MYO9A: variants seen among roughly 807,000 people sequenced by gnomAD.
MYO9A encodes the protein myosin IXA, also known as unconventional myosin-IXa.
A neutral mutation model predicts 293.3 loss-of-function variants in MYO9A; 103 were observed. The ratio of observed to expected loss-of-function variants is 0.35; its 90% CI spans 0.30 to 0.41. The LOEUF (loss-of-function observed/expected upper bound fraction) is 0.41. Ranked by LOEUF, MYO9A falls within the 10% of genes least tolerant of loss-of-function variation. The probability of loss-of-function intolerance (pLI) is 1.00; values close to 1 mark genes in which losing one functional copy is unlikely to be tolerated. For missense variants in MYO9A, 2,685 were observed against 3,033.0 expected (o/e 0.89, Z 2.69); for synonymous variants, 1,001 against 1,035.7 (o/e 0.97, Z 0.64).
In MYO9A at chr15:71,898,354, T is replaced by C. The variant is rs750164438; in HGVS notation, c.4149A>G (p.Ala1383=). 14 of 1,613,722 alleles carry C rather than the reference T, an allele frequency of 8.7e-6. No individual in the cohort carries two copies. Among genetic ancestry groups the C allele is most frequent in the African/African-American group, 1.3e-5 (1 of 75,070 alleles). ...TCATAGTTCCATCCTTCAAATGCTC[T>C]GCACTGCTAGTCTCATTTGAGGCAC... ...ALSASNETSS[A]EHLKDGTMKE... is the part of the protein sequence containing the mutation. Residue 1383 remains alanine (A), a synonymous_variant, in exon 25 of 42, where the codon GCA becomes GCG. Coordinates refer to ENST00000356056, the MANE Select transcript of MYO9A (RefSeq NM_006901.4).
chr15:71,941,399 C>T (rs984688010), intron 15 of MYO9A, among the ~76,000 whole-genome samples: 5 of 152,200 alleles, frequency 3.3e-5, no homozygotes, highest in Admixed American at 3.3e-4. Flanking sequence ...CGCGCCATTG[C>T]ACTCCAGCCT....
At chr15:72,100,955 T>C (rs1217431876) in intron 1 of MYO9A, among the ~76,000 whole-genome samples, 4 of 98,774 alleles carry the variant, frequency 4.0e-5, no homozygotes, top group Non-Finnish European at 4.1e-5. Context: ...AGCCGCCGCG[T>C]CCCGGAGGGA....
intron 18 of MYO9A, among the ~76,000 whole-genome samples, chr15:71,928,724 A>G (rs1389160396): frequency 6.6e-6 from 1 of 151,956 alleles, no homozygotes; most frequent in Non-Finnish European, 1.5e-5. Context: ...TGGTTTCCTT[A>G]ATTTCTTTTT....
intron 1 of MYO9A, among the ~76,000 whole-genome samples, chr15:72,089,751 A>T (rs745697922): frequency 2.9e-4 from 44 of 152,202 alleles, no homozygotes; most frequent in Non-Finnish European, 5.6e-4. Flanking sequence ...ACTGCACTCT[A>T]GCTTGGACAA....
chr15:72,069,359 T>A (rs2079112823), intron 1 of MYO9A, among the ~76,000 whole-genome samples: 2 of 152,216 alleles, frequency 1.3e-5, no homozygotes, highest in African/African-American at 2.4e-5. Flanking sequence ...TAGTCTCCCC[T>A]ACTAGTATAT....
intron 28 of MYO9A, among the ~76,000 whole-genome samples, 178 bp downstream of exon 28, chr15:71,883,416 A>G (rs926911048): frequency 1.3e-5 from 2 of 152,166 alleles, no homozygotes; most frequent in Non-Finnish European, 2.9e-5. Flanking sequence ...GGAAACTTCT[A>G]TTGTAGGAAA....
intron 12 of MYO9A, among the ~76,000 whole-genome samples, chr15:71,974,946 A>G (rs1180392368): frequency 2.0e-5 from 3 of 152,246 alleles, no homozygotes; most frequent in African/African-American, 7.2e-5. Context: ...AAAGACAGGA[A>G]TAAATGGGTT....
intron 1 of MYO9A, among the ~76,000 whole-genome samples, chr15:72,051,245 C>T (rs1005259266): frequency 9.2e-5 from 14 of 152,122 alleles, no homozygotes; most frequent in African/African-American, 1.9e-4. Flanking sequence ...CCATCTATAG[C>T]GGCCACTGCC....
At chr15:71,836,245 G>T (rs2054935082) in intron 39 of MYO9A, among the ~76,000 whole-genome samples, 1 of 151,814 alleles carries the variant, frequency 6.6e-6, no homozygotes, top group African/African-American at 2.4e-5. Context: ...CACAAAAGAG[G>T]ATACAGAAAT....
At chr15:71,918,911 A>C (rs1349265654) in intron 18 of MYO9A, among the ~76,000 whole-genome samples, 1 of 152,180 alleles carries the variant, frequency 6.6e-6, no homozygotes, top group Non-Finnish European at 1.5e-5. Flanking sequence ...GAGTCATTCC[A>C]ATTTTTTTCA....
At chr15:71,943,671 T>C (rs537100260) in intron 15 of MYO9A, among the ~76,000 whole-genome samples, 33 of 152,234 alleles carry the variant, frequency 2.2e-4, no homozygotes, top group Admixed American at 1.3e-4. Context: ...AGTTGCCTTA[T>C]GCCCCTTCTT....
Position 71,968,069 on chromosome 15 carries a change from T to C in MYO9A, c.1901A>G (p.Asp634Gly). Residue 634 changes from aspartate (D) to glycine (G), a missense_variant, in exon 13 of 42, where the codon GAT (aspartate) becomes GGT (glycine). Physicochemically the swap from Asp to Gly is moderately conservative, Grantham distance 94. This residue lies in a region of MYO9A where 201 missense variants were observed against 245.2 expected (regional missense o/e 0.82). Transcript: ENST00000356056. ...LLDKFKHQHE[D>G]NSYIEFPAVM... is the part of the protein sequence containing the mutation. Reference sequence around the variant, plus strand: ...GGCTGGAAATTCGATGTAAGAATTATCTTCATGTTGATGCTTAAACTTGTC... The same window carrying C: ...GGCTGGAAATTCGATGTAAGAATTACCTTCATGTTGATGCTTAAACTTGTC... 1.2e-6 allele frequency: 2 copies of C among 1,612,542 alleles called. No homozygotes were observed. The highest frequency in any genetic ancestry group is 1.7e-6 in the Non-Finnish European group (2 of 1,179,196).
chr15:72,084,529 T>G (rs1224143034), intron 1 of MYO9A, among the ~76,000 whole-genome samples: 1 of 152,210 alleles, frequency 6.6e-6, no homozygotes, highest in Non-Finnish European at 1.5e-5. Context: ...GTTACCTGGT[T>G]GTTATGCAGA....
chr15:71,962,782 T>C (rs1459746476), intron 13 of MYO9A, among the ~76,000 whole-genome samples: 1 of 152,230 alleles, frequency 6.6e-6, no homozygotes, highest in African/African-American at 2.4e-5. Context: ...GCCCTACTCC[T>C]ATTAATAACT....
intron 39 of MYO9A, among the ~76,000 whole-genome samples, chr15:71,832,348 A>T (rs2054762158): frequency 6.6e-6 from 1 of 152,170 alleles, no homozygotes; most frequent in Non-Finnish European, 1.5e-5. Flanking sequence ...TTAACCTAGG[A>T]ATTTAAGAAA....
rs1555490832 is a variant in MYO9A at position 71,956,330 on chromosome 15, AATAT to A, written c.2182+3567_2182+3570del. Among the ~76,000 whole-genome samples the A allele has an allele frequency of 7.0e-4, 53 of 75,580 alleles. 1 individual carries two copies. Among genetic ancestry groups the A allele is most frequent in the African/African-American group, 1.5e-3 (25 of 16,728 alleles). 49.6% of individuals were successfully genotyped at this position (75,580 alleles called of 152,430 possible). Reference sequence around the variant, plus strand: ...GCTCTTAAAAAAAAAAAAAAAAAAAAATATATATATATATATATATAAAATACGC... The same window carrying A: ...GCTCTTAAAAAAAAAAAAAAAAAAAAATATATATATATATATAAAATACGC... On this transcript the variant is annotated intron_variant, in intron 14 of 41. Coordinates refer to ENST00000356056, the MANE Select transcript of MYO9A (RefSeq NM_006901.4).
chr15:71,893,209 A>G, intron 26 of MYO9A: 1 of 1,234,354 alleles, frequency 8.1e-7, no homozygotes. Context: ...CAAATAACAC[A>G]ACAATGTTTG....
chr15:71,830,017 G>A (rs2054653221), intron 40 of MYO9A, 92 bp downstream of exon 40: 5 of 1,262,458 alleles, frequency 4.0e-6, no homozygotes, highest in Non-Finnish European at 5.7e-6. Flanking sequence ...TAACACACAG[G>A]AGATAATAAA....
At chr15:72,083,934 A>G (rs1021844180) in intron 1 of MYO9A, among the ~76,000 whole-genome samples, 3 of 152,204 alleles carry the variant, frequency 2.0e-5, no homozygotes, top group African/African-American at 7.2e-5. Context: ...ATTTCAGAGT[A>G]TGTGCCATGT....
Sources: gnomAD v4.1 joint callset for allele counts (sites outside exome capture counted in the v4.1 genomes callset) on GRCh38, gnomAD v4.1.1 for gene constraint, gnomAD v4.1.1 regional missense constraint, MANE v1.5 for transcripts, NCBI Gene and HGNC (gene_info 2026-07-23, HGNC 2026-07-21) for gene names.